Variants in XPO4 observed in about 807,000 individuals in gnomAD.
XPO4 encodes the protein exportin-4.
In XPO4, 39 loss-of-function variants were observed where a neutral mutation model predicts 143.0. The ratio of observed to expected loss-of-function variants is 0.27; its 90% CI spans 0.21 to 0.36. The LOEUF (loss-of-function observed/expected upper bound fraction) is 0.36. Ranked by LOEUF, XPO4 falls within the 10% of genes least tolerant of loss-of-function variation. The probability of loss-of-function intolerance (pLI) is 1.00; values close to 1 mark genes in which losing one functional copy is unlikely to be tolerated. For missense variants in XPO4, 907 were observed against 1,348.0 expected, an observed-to-expected ratio of 0.67 and a Z score of 5.12; for synonymous variants, 439 against 474.0, an observed-to-expected ratio of 0.93 and a Z score of 0.96.
intron 6 of XPO4, among the ~76,000 whole-genome samples, chr13:20,834,746 C>T (rs897300703): frequency 9.2e-5 from 14 of 151,456 alleles, no homozygotes; most frequent in African/African-American, 3.4e-4. Flanking sequence ...ATCACTTGAG[C>T]CCAGGAGAGT....
intron 2 of XPO4, among the ~76,000 whole-genome samples, chr13:20,867,849 C>T (rs1034260041): frequency 6.6e-6 from 1 of 151,994 alleles, no homozygotes; most frequent in South Asian, 2.1e-4. Context: ...AAGATGGCTC[C>T]CACTAAAAAA....
chr13:20,902,753 G>C, upstream of XPO4: 1 of 1,511,264 alleles, frequency 6.6e-7, no homozygotes, highest in Non-Finnish European at 8.9e-7. Context: ...TCTCTTCAAT[G>C]ACGCGCCATG....
intron 4 of XPO4, among the ~76,000 whole-genome samples, chr13:20,847,371 T>A (rs2060038534): frequency 6.6e-6 from 1 of 152,100 alleles, no homozygotes; most frequent in Non-Finnish European, 1.5e-5. Context: ...ACATTGTGGG[T>A]TGTAATGAAG....
intron 1 of XPO4, among the ~76,000 whole-genome samples, chr13:20,889,033 G>A (rs529905049): frequency 4.6e-5 from 7 of 151,692 alleles, no homozygotes; most frequent in Middle Eastern, 3.4e-3. Flanking sequence ...GGCTGGTCTC[G>A]AACTCCTGAC....
chr13:20,863,765 T>G (rs1247868071), intron 2 of XPO4, among the ~76,000 whole-genome samples: 1 of 152,274 alleles, frequency 6.6e-6, no homozygotes, highest in East Asian at 1.9e-4. Flanking sequence ...CTCCAGATTA[T>G]TTGCCAAGAT....
intron 13 of XPO4, 48 bp from the exon 14 acceptor site, chr13:20,801,038 C>T (rs1451416785): frequency 6.3e-7 from 1 of 1,588,248 alleles, no homozygotes; most frequent in Non-Finnish European, 8.5e-7. Flanking sequence ...TATTTAGTTG[C>T]TGTCTAATCA....
intron 1 of XPO4, among the ~76,000 whole-genome samples, chr13:20,873,357 A>C (rs1033111654): frequency 9.2e-5 from 14 of 152,208 alleles, no homozygotes; most frequent in African/African-American, 3.4e-4. Flanking sequence ...ACAGAGAGAC[A>C]CCAAAATATC....
At chr13:20,807,369 G>A in intron 13 of XPO4, 88 bp downstream of exon 13, 1 of 1,283,302 alleles carries the variant, frequency 7.8e-7, no homozygotes, top group Non-Finnish European at 1.1e-6. Flanking sequence ...TTTACAACGT[G>A]CCTATCACTC....
chr13:20,897,471 C>A (rs1274631956), intron 1 of XPO4, among the ~76,000 whole-genome samples: 1 of 152,152 alleles, frequency 6.6e-6, no homozygotes, highest in East Asian at 1.9e-4. Flanking sequence ...CTTTCTCAGT[C>A]CCTATCTCAG....
At chr13:20,793,088 C>T (rs976179129) in intron 18 of XPO4, among the ~76,000 whole-genome samples, 4 of 152,252 alleles carry the variant, frequency 2.6e-5, no homozygotes, top group East Asian at 3.9e-4. Context: ...CCACACCCGG[C>T]GCAGTTATGC....
At chr13:20,871,471 C>T (rs2060298080) in intron 1 of XPO4, among the ~76,000 whole-genome samples, 1 of 152,182 alleles carries the variant, frequency 6.6e-6, no homozygotes, top group Non-Finnish European at 1.5e-5. Flanking sequence ...AGGGGCATGC[C>T]ACCACACAGG....
Position 20,851,169 on chromosome 13 carries a change from G to T in XPO4, c.456+4458C>A, listed in dbSNP as rs901793843. On this transcript the variant is annotated intron_variant, in intron 4 of 22. Transcript: ENST00000255305. ...TTCTTAACAGTCCAAGAAGAAGAGA[G>T]GATGATATAAGAAAATGTCTGAACT... 1.4e-5 allele frequency: 14 copies of T among 985,256 alleles called. No homozygotes were observed. The African/African-American group carries it at 2.3e-4, about 16-fold the overall frequency. 61.0% of individuals were successfully genotyped at this position (985,256 alleles called of 1,614,324 possible).
At chr13:20,863,788 A>C (rs1051000562) in intron 2 of XPO4, among the ~76,000 whole-genome samples, 1 of 152,208 alleles carries the variant, frequency 6.6e-6, no homozygotes, top group Non-Finnish European at 1.5e-5. Context: ...CTGGACATGC[A>C]TATCTGAAAG....
At chr13:20,863,038 T>G in intron 2 of XPO4, 180 bp from the exon 3 acceptor site, 1 of 1,320,464 alleles carries the variant, frequency 7.6e-7, no homozygotes, top group Non-Finnish European at 9.7e-7. Flanking sequence ...AGAAGACACC[T>G]CAGGCAGGTG....
intron 1 of XPO4, among the ~76,000 whole-genome samples, chr13:20,901,387 G>A (rs1262457684): frequency 5.3e-5 from 8 of 152,168 alleles, no homozygotes; most frequent in Non-Finnish European, 1.0e-4. Context: ...ACTCCTTCCA[G>A]AATCCAATGA....
In XPO4 at chr13:20,839,634, C is replaced by T. The variant is rs920522229; in HGVS notation, c.727+3261G>A. Among the ~76,000 whole-genome samples, 3 of 151,820 alleles carry T rather than the reference C, an allele frequency of 2.0e-5. 1 individual carries two copies. Among genetic ancestry groups the T allele is most frequent in the South Asian group, 2.1e-4 (1 of 4,822 alleles). On this transcript the variant is annotated intron_variant, in intron 6 of 22. Coordinates refer to ENST00000255305, the MANE Select transcript of XPO4 (RefSeq NM_022459.5). ...GGAGAATCACTTGAAGCCAGGAGTT[C>T]GAGGCCAGCCTAGCCAACACAGCAA...
In XPO4 at chr13:20,778,852, A is replaced by G. The variant is rs1417116675; in HGVS notation, c.*4870T>C. On this transcript the variant is annotated 3_prime_UTR_variant, in exon 23 of 23. Transcript: ENST00000255305. ...AGTCTAGCTAAATACCCATGAACAAATCACACATGGTCAAAACAAAAATGT... is the reference window on the plus strand; with the variant it reads ...AGTCTAGCTAAATACCCATGAACAAGTCACACATGGTCAAAACAAAAATGT... The G allele has an allele frequency of 1.3e-5, 2 of 152,202 alleles. No individual in the cohort carries two copies. The highest frequency in any genetic ancestry group is 1.3e-4 in the Admixed American group (2 of 15,272). The allele number at this position is 152,202 out of a possible 1,614,324, so 9.4% of individuals were successfully genotyped here. A position where few individuals can be genotyped will look rare whatever the true frequency, so the allele number is the denominator to read the frequency against.
At chr13:20,810,682 A>T (rs999792628) in intron 9 of XPO4, among the ~76,000 whole-genome samples, 25 of 152,202 alleles carry the variant, frequency 1.6e-4, no homozygotes, top group Admixed American at 4.6e-4. Flanking sequence ...ATTAGGGAAA[A>T]GCCAGGCTTC....
At position 20,778,378 on chromosome 13, in the gene XPO4, C is replaced by A. The variant is rs1471131796; in HGVS notation, c.*5344G>T. ...AAAGCAAATTCAGGTTAAAAATGAA[C>A]ATTTTAAAGATGCATTTTCTTTAAA... On this transcript the variant is annotated 3_prime_UTR_variant, in exon 23 of 23. Transcript: ENST00000255305. The A allele has an allele frequency of 3.9e-5, 6 of 152,130 alleles. No individual in the cohort carries two copies. The highest frequency in any genetic ancestry group is 1.4e-4 in the African/African-American group (6 of 41,432). The allele number at this position is 152,130 out of a possible 1,614,324, so 9.4% of individuals were successfully genotyped here.
Sources: gnomAD v4.1 joint callset for allele counts (sites outside exome capture counted in the v4.1 genomes callset) on GRCh38, gnomAD v4.1.1 for gene constraint, MANE v1.5 for transcripts, NCBI Gene and HGNC (gene_info 2026-07-23, HGNC 2026-07-21) for gene names.